MMS22L: variants seen among roughly 807,000 people sequenced by gnomAD.
The protein encoded by MMS22L is protein MMS22-like.
In MMS22L, 74 loss-of-function variants were observed where a neutral mutation model predicts 159.1. That is an observed-to-expected ratio of 0.47 (90% confidence interval 0.39 to 0.56). MMS22L has a LOEUF of 0.56. Among genes scored for constraint, MMS22L ranks in the 20% least tolerant of loss-of-function variants. The probability of loss-of-function intolerance (pLI) is 0.00; values close to 1 mark genes in which losing one functional copy is unlikely to be tolerated. For missense variants in MMS22L, 1,351 were observed against 1,422.1 expected, an observed-to-expected ratio of 0.95 and a Z score of 0.80; for synonymous variants, 517 against 506.9, an observed-to-expected ratio of 1.02 and a Z score of -0.27.
chr6:97,212,381 A>G (rs527604750), intron 14 of MMS22L, among the ~76,000 whole-genome samples: 2 of 152,326 alleles, frequency 1.3e-5, no homozygotes, highest in African/African-American at 4.8e-5. Flanking sequence ...TTAAAGCATA[A>G]ATAGTATTCT....
chr6:97,151,501 C>T (rs935315362), intron 23 of MMS22L: 13 of 362,688 alleles, frequency 3.6e-5, no homozygotes, highest in Non-Finnish European at 4.7e-5. Flanking sequence ...TTATCCCTAT[C>T]GTTAAGAGAC....
chr6:97,180,889 T>C (rs894980241), intron 16 of MMS22L, among the ~76,000 whole-genome samples: 1 of 152,164 alleles, frequency 6.6e-6, no homozygotes, highest in Non-Finnish European at 1.5e-5. Flanking sequence ...AGGAAAAGAC[T>C]TAGCTCACCA....
intron 14 of MMS22L, among the ~76,000 whole-genome samples, chr6:97,194,440 TA>T (rs935016460): frequency 6.7e-6 from 1 of 149,616 alleles, no homozygotes; most frequent in African/African-American, 2.5e-5. Flanking sequence ...TTTCCTCATC[TA>T]AAAAAAAAGG....
chr6:97,160,543 C>T (rs907897090), intron 22 of MMS22L, among the ~76,000 whole-genome samples: 15 of 151,780 alleles, frequency 9.9e-5, no homozygotes, highest in Non-Finnish European at 1.8e-4. Flanking sequence ...TTTTCTTTGC[C>T]TTTAGCTTTT....
chr6:97,240,136 T>C (rs769435046), intron 11 of MMS22L, among the ~76,000 whole-genome samples: 2 of 152,134 alleles, frequency 1.3e-5, no homozygotes, highest in Non-Finnish European at 2.9e-5. Context: ...TATCCAAATA[T>C]ATTATTCTTT....
chr6:97,188,959 CA>C lies in MMS22L; in HGVS notation c.2040-2270del, dbSNP rs574749068. On this transcript the variant is annotated intron_variant, in intron 14 of 24. Coordinates refer to ENST00000683635, the MANE Select transcript of MMS22L (RefSeq NM_001350599.2). ...CTTGGGTGACAGAGCAAGACTTTCT[CA>C]AAATAATTTAAAAATAATAATAATA... is the stretch of plus-strand genomic sequence containing the variant. Among the ~76,000 whole-genome samples the C allele has an allele frequency of 1.4e-3, 206 of 151,172 alleles. 1 individual carries two copies. The highest frequency in any genetic ancestry group is 4.7e-3 in the African/African-American group (194 of 41,218).
chr6:97,214,537 ACT>A (rs779025684), intron 14 of MMS22L, among the ~76,000 whole-genome samples: 3 of 152,200 alleles, frequency 2.0e-5, no homozygotes, highest in Non-Finnish European at 2.9e-5. Context: ...GAGTTAAATA[ACT>A]TTTTAAAAAA....
In MMS22L at chr6:97,272,988, C is replaced by T. The variant is rs780952027; in HGVS notation, c.415G>A (p.Val139Ile). ...CTGATATCCTACCTGAAGATGAAAA[C>T]TTTAACATAATGGAGAAATAGTACA... ...QCVLFLHYVKVFIFRYLKVQN... is the reference protein window; with the variant it reads ...QCVLFLHYVKIFIFRYLKVQN... Residue 139 changes from valine to isoleucine, a missense_variant, in exon 5 of 25, where the codon GTT becomes ATT. Val to Ile is a conservative substitution (Grantham distance 29). Coordinates refer to ENST00000683635, the MANE Select transcript of MMS22L (RefSeq NM_001350599.2). The T allele has an allele frequency of 1.9e-6, 3 of 1,612,638 alleles. No homozygotes were observed. The highest frequency in any genetic ancestry group is 2.2e-5 in the South Asian group (2 of 90,752).
intron 10 of MMS22L, among the ~76,000 whole-genome samples, chr6:97,249,366 T>C (rs1434021592): frequency 6.6e-6 from 1 of 152,170 alleles, no homozygotes; most frequent in Non-Finnish European, 1.5e-5. Flanking sequence ...GAAAACAAAA[T>C]AATAGCTTTC....
chr6:97,186,621 T>C lies in MMS22L; in HGVS notation c.2109A>G (p.Leu703=). ...DNVDLFVQSS[L]SAKERHLAAV... The stretch of plus-strand genomic sequence containing the variant: ...CAGCAAGGTGGCGCTCTTTAGCCGA[T>C]AATGAAGACTGTACAAATAGGTCCA... The change falls in exon 15 of 25, where the codon TTA becomes TTG. Residue 703 remains leucine (L), a synonymous_variant. Coordinates refer to ENST00000683635, the MANE Select transcript of MMS22L (RefSeq NM_001350599.2). 1 of 1,611,750 alleles carries C rather than the reference T, an allele frequency of 6.2e-7. No individual in the cohort carries two copies. Among genetic ancestry groups the C allele is most frequent in the Non-Finnish European group, 8.5e-7 (1 of 1,179,050 alleles).
At position 97,151,690 on chromosome 6, in the gene MMS22L, A is replaced by G. The variant is rs574008353; in HGVS notation, c.3482+81T>C. On this transcript the variant is annotated intron_variant, in intron 23 of 24. Coordinates refer to ENST00000683635, the MANE Select transcript of MMS22L (RefSeq NM_001350599.2). ...CAAGTAGTAACACATTATGTTTTGG[A>G]TAATTAGTTATTTAAAAAACATGTT... The G allele has an allele frequency of 1.0e-5, 11 of 1,071,320 alleles. No individual in the cohort carries two copies. The South Asian group carries it at 1.0e-4, about 10-fold the overall frequency. The allele number at this position is 1,071,320 out of a possible 1,614,324, so 66.4% of individuals were successfully genotyped here. A position where few individuals can be genotyped will look rare whatever the true frequency, so the allele number is the denominator to read the frequency against.
intron 19 of MMS22L, among the ~76,000 whole-genome samples, 169 bp from the exon 20 acceptor site, chr6:97,168,409 C>T (rs1803198606): frequency 6.6e-6 from 1 of 152,146 alleles, no homozygotes; most frequent in South Asian, 2.1e-4. Context: ...ATATATTTCA[C>T]TAAAGAGACA....
intron 14 of MMS22L, among the ~76,000 whole-genome samples, chr6:97,188,987 TAAATA>T (rs965376421): frequency 2.7e-5 from 4 of 150,764 alleles, no homozygotes; most frequent in Non-Finnish European, 4.4e-5. Context: ...ATAATAATAA[TAAATA>T]AAATAAAGGA....
At chr6:97,231,744 A>G (rs1810897284) in intron 12 of MMS22L, 92 bp from the exon 13 acceptor site, 1 of 843,412 alleles carries the variant, frequency 1.2e-6, no homozygotes, top group African/African-American at 1.7e-5. Context: ...TGGTTCATCA[A>G]AAGTCTGACT....
chr6:97,247,727 A>G (rs957085050), intron 10 of MMS22L, among the ~76,000 whole-genome samples: 1 of 152,160 alleles, frequency 6.6e-6, no homozygotes, highest in Non-Finnish European at 1.5e-5. Context: ...CAGAAAAAAA[A>G]AAGAAAAGTA....
At chr6:97,193,785 G>T (rs1806152752) in intron 14 of MMS22L, among the ~76,000 whole-genome samples, 1 of 152,146 alleles carries the variant, frequency 6.6e-6, no homozygotes, top group African/African-American at 2.4e-5. Flanking sequence ...TTTTGAGACG[G>T]AGTCTCGCTC....
intron 6 of MMS22L, chr6:97,271,638 G>A (rs1815748690): frequency 6.6e-6 from 1 of 152,010 alleles, no homozygotes; most frequent in African/African-American, 2.4e-5. Context: ...ACTTGTTTCT[G>A]CTTCATTTCA....
chr6:97,268,888 T>TATATGTAAGTATATACATATATAGAC (rs1815431732), intron 7 of MMS22L, among the ~76,000 whole-genome samples: 1 of 151,872 alleles, frequency 6.6e-6, no homozygotes, highest in African/African-American at 2.4e-5. Context: ...TATAGACATA[T>TATATGTAAGTATATACATATATAGAC]ATATGTAAGT....
chr6:97,197,512 T>C (rs1045458354), intron 14 of MMS22L, among the ~76,000 whole-genome samples: 16 of 152,158 alleles, frequency 1.1e-4, no homozygotes, highest in African/African-American at 3.9e-4. Context: ...TCTCTGAAAA[T>C]AATCTCACAA....
Sources: gnomAD v4.1 joint callset for allele counts (sites outside exome capture counted in the v4.1 genomes callset) on GRCh38, gnomAD v4.1.1 for gene constraint, MANE v1.5 for transcripts, NCBI Gene and HGNC (gene_info 2026-07-23, HGNC 2026-07-21) for gene names.